The following PRKN variants were observed in gnomAD, a reference collection of about 807,000 sequenced individuals.
PRKN encodes parkin RBR E3 ubiquitin protein ligase, also known as E3 ubiquitin-protein ligase parkin.
In PRKN, 56 loss-of-function variants were observed where a neutral mutation model predicts 59.5. The observed-to-expected ratio is 0.94, with a 90% CI of 0.76 to 1.18. The LOEUF is 1.18. Among genes scored for constraint, PRKN ranks in the 50% most tolerant of loss-of-function variants. PRKN has a pLI of 0.00. For missense variants in PRKN, 657 were observed against 596.4 expected, an observed-to-expected ratio of 1.10 and a Z score of -1.06; for synonymous variants, 250 against 222.1, an observed-to-expected ratio of 1.13 and a Z score of -1.12.
Position 162,429,856 on chromosome 6 carries a change from T to C in PRKN, c.171+13454A>G, listed in dbSNP as rs1323755920. ...AAGGAAGCATCTAAATTCCCGAAGA[T>C]TATGTGCAAAGCCCCTCTGCGTTTG... On this transcript the variant is annotated intron_variant, in intron 2 of 11. Coordinates refer to ENST00000366898, the MANE Select transcript of PRKN (RefSeq NM_004562.3). Among the ~76,000 whole-genome samples, 23 of 152,256 alleles carry C rather than the reference T, an allele frequency of 1.5e-4. No homozygotes were observed. The East Asian group carries it at 4.3e-3, about 28-fold the overall frequency.
At chr6:161,539,278 T>C (rs778602804) in intron 9 of PRKN, among the ~76,000 whole-genome samples, 8 of 152,184 alleles carry the variant, frequency 5.3e-5, no homozygotes, top group Non-Finnish European at 7.4e-5. Flanking sequence ...GAGACCCTAT[T>C]TTGCGAAGGT....
rs749767757 is a variant in PRKN at position 162,071,157 on chromosome 6, A to G, written c.535-16983T>C. Among the ~76,000 whole-genome samples, 29 of 150,986 alleles carry G rather than the reference A, an allele frequency of 1.9e-4. 1 individual carries two copies. The highest frequency in any genetic ancestry group is 3.3e-4 in the Admixed American group (5 of 15,170). Reference sequence around the variant, plus strand: ...GACGGTATTCGACATTTGCAGTTTAATATTTTGTGCCCTTGAGCACTGCCA... The same window carrying G: ...GACGGTATTCGACATTTGCAGTTTAGTATTTTGTGCCCTTGAGCACTGCCA... On this transcript the variant is annotated intron_variant, in intron 4 of 11. Transcript: ENST00000366898.
chr6:162,710,416 A>C (rs1286538938), intron 1 of PRKN, among the ~76,000 whole-genome samples: 1 of 51,106 alleles, frequency 2.0e-5, no homozygotes, highest in African/African-American at 1.1e-4. Flanking sequence ...CACACACACA[A>C]CTGTTTGGTA....
intron 7 of PRKN, among the ~76,000 whole-genome samples, chr6:161,768,539 C>G (rs1188689610): frequency 6.6e-6 from 1 of 151,976 alleles, no homozygotes; most frequent in African/African-American, 2.4e-5. Flanking sequence ...CATTTAAACA[C>G]ATGGAAAACA....
chr6:161,364,340 T>A (rs1249424773), intron 10 of PRKN, among the ~76,000 whole-genome samples: 3 of 150,308 alleles, frequency 2.0e-5, no homozygotes, highest in East Asian at 3.9e-4. Context: ...GTGCCTGTAG[T>A]CCCAGCTACT....
intron 7 of PRKN, among the ~76,000 whole-genome samples, chr6:161,611,974 T>A (rs573879485): frequency 6.6e-6 from 1 of 152,232 alleles, no homozygotes; most frequent in Non-Finnish European, 1.5e-5. Context: ...TTGAGTGTTC[T>A]GGATAGGAGA....
intron 2 of PRKN, among the ~76,000 whole-genome samples, chr6:162,406,832 G>C (rs535259266): frequency 5.3e-5 from 8 of 152,104 alleles, no homozygotes; most frequent in Admixed American, 5.2e-4. Context: ...TCAGAATACA[G>C]ATAACATCCT....
chr6:162,683,254 T>C lies in PRKN; in HGVS notation c.7+44408A>G, dbSNP rs557541918. On this transcript the variant is annotated intron_variant, in intron 1 of 11. Transcript: ENST00000366898. ...AGACGGCTATTTAAAGTAATTAAAA[T>C]TCAAACTTTAGTTCCTCAGTCATAC... Among the ~76,000 whole-genome samples, 22 of 152,254 alleles carry C rather than the reference T, an allele frequency of 1.4e-4. No individual in the cohort carries two copies. In the South Asian group the frequency reaches 3.1e-3, roughly 22 times the overall value.
intron 4 of PRKN, 65 bp from the exon 5 acceptor site, chr6:162,054,239 G>A: frequency 1.0e-6 from 1 of 953,598 alleles, no homozygotes; most frequent in Admixed American, 1.8e-5. Context: ...CTTAAGACAT[G>A]TTTCCACTTA....
In PRKN at chr6:162,422,954, CAA is replaced by C. The variant is rs61557917; in HGVS notation, c.171+20354_171+20355del. 4.1e-3 allele frequency among the ~76,000 whole-genome samples: 267 copies of C among 65,712 alleles called. 1 individual carries two copies. The highest frequency in any genetic ancestry group is 0.015 in the Middle Eastern group (1 of 66). 43.1% of individuals were successfully genotyped at this position (65,712 alleles called of 152,430 possible). A position where few individuals can be genotyped will look rare whatever the true frequency, so the allele number is the denominator to read the frequency against. ...GAGCAAGACTCCATCTCCAAGAGAC[CAA>C]AAAAAAAAAAAAAAAAAAAAAGCAT... is the stretch of plus-strand genomic sequence containing the variant. On this transcript the variant is annotated intron_variant, in intron 2 of 11. Coordinates refer to ENST00000366898, the MANE Select transcript of PRKN (RefSeq NM_004562.3).
At chr6:161,756,128 T>C (rs1036196881) in intron 7 of PRKN, among the ~76,000 whole-genome samples, 1 of 152,148 alleles carries the variant, frequency 6.6e-6, no homozygotes, top group Non-Finnish European at 1.5e-5. Flanking sequence ...AAAATTACTA[T>C]AACTAAACAT....
rs986246128 is a variant in PRKN, at chr6:161,579,384, T to C, written c.872-9968A>G. ...GGGTCAGCGGGGCACCTAATTATCA[T>C]GGTTAATGAGGTTTCTTTAGGAGAA... On this transcript the variant is annotated intron_variant, in intron 7 of 11. Coordinates refer to ENST00000366898, the MANE Select transcript of PRKN (RefSeq NM_004562.3). The surrounding 1 kb of genome is among the most constrained non-coding windows in gnomAD (Gnocchi z 4.2). Among the ~76,000 whole-genome samples, 2 of 152,190 alleles carry C rather than the reference T, an allele frequency of 1.3e-5. No homozygotes were observed. Among genetic ancestry groups the C allele is most frequent in the African/African-American group, 2.4e-5 (1 of 41,446 alleles).
At chr6:162,161,745 C>T (rs1235003932) in intron 4 of PRKN, among the ~76,000 whole-genome samples, 1 of 152,166 alleles carries the variant, frequency 6.6e-6, no homozygotes, top group Non-Finnish European at 1.5e-5. Context: ...GTTCACCTTG[C>T]TCAATCCAAT....
intron 1 of PRKN, among the ~76,000 whole-genome samples, chr6:162,448,409 T>C (rs193098234): frequency 1.2e-4 from 18 of 152,278 alleles, no homozygotes; most frequent in African/African-American, 4.1e-4. Context: ...TTCTTTATTT[T>C]ATACTCTTCC....
chr6:162,429,971 G>C (rs563836985), intron 2 of PRKN, among the ~76,000 whole-genome samples: 2 of 152,224 alleles, frequency 1.3e-5, no homozygotes, highest in South Asian at 2.1e-4. Flanking sequence ...TTCTAAAGTA[G>C]TGCCAGACCT....
chr6:161,704,991 T>G (rs556495952), intron 7 of PRKN, among the ~76,000 whole-genome samples: 1 of 152,214 alleles, frequency 6.6e-6, no homozygotes, highest in Admixed American at 6.5e-5. Context: ...GGGTTGAGAA[T>G]AGGCACTGGC....
Position 161,401,624 on chromosome 6 carries a change from C to CA in PRKN, c.1084-14748dup, listed in dbSNP as rs5881404. Among the ~76,000 whole-genome samples the CA allele has an allele frequency of 4.3e-4, 63 of 146,868 alleles. No homozygotes were observed. Among genetic ancestry groups the CA allele is most frequent in the East Asian group, 2.6e-3 (13 of 4,990 alleles). On this transcript the variant is annotated intron_variant, in intron 9 of 11. Transcript: ENST00000366898. This position sits in a 1 kb window ranked among gnomAD's most constrained non-coding sequence, Gnocchi z 4.4. The stretch of plus-strand genomic sequence containing the variant: ...GCAAGATTCTGTCCCCACTCCCCAC[C>CA]AAAAAAAAAAAATTAGAGTACTGAT...
chr6:161,959,676 A>G (rs891659205), intron 6 of PRKN, among the ~76,000 whole-genome samples: 5 of 152,172 alleles, frequency 3.3e-5, no homozygotes, highest in African/African-American at 1.2e-4. Context: ...TCAGGGTTAG[A>G]TACTCCCAAA....
chr6:162,672,946 T>C (rs1286984614), intron 1 of PRKN, among the ~76,000 whole-genome samples: 1 of 152,116 alleles, frequency 6.6e-6, no homozygotes, highest in Non-Finnish European at 1.5e-5. Context: ...ACAGAAAAGA[T>C]TGTGGATGTG....
Sources: gnomAD v4.1 joint callset for allele counts (sites outside exome capture counted in the v4.1 genomes callset) on GRCh38, gnomAD v4.1.1 for gene constraint, Gnocchi (gnomAD v3.1) non-coding constraint, MANE v1.5 for transcripts, NCBI Gene and HGNC (gene_info 2026-07-23, HGNC 2026-07-21) for gene names.